ADGRL3: variants seen among roughly 807,000 people sequenced by gnomAD.
ADGRL3 encodes calcium-independent alpha-latrotoxin receptor 3.
ADGRL3 carries 62 observed loss-of-function variants against 153.5 expected under a neutral mutation model. That is an observed-to-expected ratio of 0.40 (90% confidence interval 0.33 to 0.50). The LOEUF is 0.50. Ranked by LOEUF, ADGRL3 falls within the 20% of genes least tolerant of loss-of-function variation. The probability of loss-of-function intolerance (pLI) is 0.47; values close to 1 mark genes in which losing one functional copy is unlikely to be tolerated. For missense variants in ADGRL3, 1,641 were observed against 1,859.4 expected (o/e 0.88, Z 2.16); for synonymous variants, 710 against 672.5 (o/e 1.06, Z -0.86).
At chr4:61,986,241 T>C (rs2099085181) in intron 19 of ADGRL3, among the ~76,000 whole-genome samples, 1 of 152,208 alleles carries the variant, frequency 6.6e-6, no homozygotes, top group African/African-American at 2.4e-5. Context: ...TGTGACCTTA[T>C]GCTATTTCAA....
chr4:61,499,112 A>C (rs574906785), intron 3 of ADGRL3, among the ~76,000 whole-genome samples: 1 of 152,180 alleles, frequency 6.6e-6, no homozygotes, highest in Non-Finnish European at 1.5e-5. Context: ...CAGTGATGCA[A>C]TTCTGAATCT....
chr4:61,955,946 A>G (rs189351390), intron 17 of ADGRL3, among the ~76,000 whole-genome samples: 4 of 152,138 alleles, frequency 2.6e-5, no homozygotes, highest in African/African-American at 7.2e-5. Flanking sequence ...TTGGTGGGCA[A>G]TTGGTTTGGT....
chr4:61,370,859 G>C (rs916581334), intron 1 of ADGRL3, among the ~76,000 whole-genome samples: 127 of 152,118 alleles, frequency 8.3e-4, no homozygotes, highest in Non-Finnish European at 1.5e-3. Context: ...TAATATGTGG[G>C]AGTCTAAGTC....
At chr4:61,433,365 TA>T (rs373967837) in intron 2 of ADGRL3, among the ~76,000 whole-genome samples, 3 of 151,192 alleles carry the variant, frequency 2.0e-5, no homozygotes, top group Non-Finnish European at 4.4e-5. Flanking sequence ...GCTTTTTTTT[TA>T]AAAAAAAATC....
At chr4:61,757,214 C>T (rs1176696719) in intron 8 of ADGRL3, among the ~76,000 whole-genome samples, 1 of 152,224 alleles carries the variant, frequency 6.6e-6, no homozygotes, top group East Asian at 1.9e-4. Context: ...CCTCCTTGTT[C>T]CTCTGGTAGA....
intron 1 of ADGRL3, among the ~76,000 whole-genome samples, chr4:61,370,747 C>T (rs928463559): frequency 3.3e-4 from 50 of 151,762 alleles, no homozygotes; most frequent in Non-Finnish European, 5.3e-4. Context: ...CTATTAGGTC[C>T]GCTTGGTGCA....
At chr4:61,382,066 A>G (rs1460695651) in intron 1 of ADGRL3, among the ~76,000 whole-genome samples, 1 of 151,980 alleles carries the variant, frequency 6.6e-6, no homozygotes, top group East Asian at 1.9e-4. Context: ...ATTTTAATCA[A>G]TAGTGATTTG....
intron 1 of ADGRL3, among the ~76,000 whole-genome samples, chr4:61,275,638 T>C (rs2093424011): frequency 6.6e-6 from 1 of 152,168 alleles, no homozygotes; most frequent in African/African-American, 2.4e-5. Flanking sequence ...AGAGGGAGCA[T>C]GCATGTTTCA....
Position 61,816,309 on chromosome 4 carries a change from G to A in ADGRL3, c.1480+2420G>A, listed in dbSNP as rs115734011. ...TCCACTGAATTAGCTGGGGCTGAAT[G>A]TTTTATAGTTAACAGGCTGGTTAGT... is the stretch of plus-strand genomic sequence containing the variant. On this transcript the variant is annotated intron_variant, in intron 9 of 26. Transcript: ENST00000683033. 4.6e-3 allele frequency among the ~76,000 whole-genome samples: 705 copies of A among 152,316 alleles called. 5 individuals carry two copies. Among genetic ancestry groups the A allele is most frequent in the African/African-American group, 0.016 (668 of 41,566 alleles).
At chr4:61,536,949 C>T (rs2098660426) in intron 4 of ADGRL3, among the ~76,000 whole-genome samples, 1 of 151,996 alleles carries the variant, frequency 6.6e-6, no homozygotes, top group African/African-American at 2.4e-5. Context: ...TTTGTACTCT[C>T]AATTATATAA....
At chr4:61,960,039 T>C (rs1406064739) in intron 17 of ADGRL3, among the ~76,000 whole-genome samples, 2 of 152,184 alleles carry the variant, frequency 1.3e-5, no homozygotes, top group African/African-American at 2.4e-5. Flanking sequence ...TATAGAAAAT[T>C]TCTTGAAAAG....
chr4:61,874,015 A>G (rs865936977), intron 9 of ADGRL3, among the ~76,000 whole-genome samples: 12 of 152,166 alleles, frequency 7.9e-5, no homozygotes, highest in Middle Eastern at 3.2e-3. Flanking sequence ...TAAATTTTAA[A>G]AGCTTTTCCT....
intron 13 of ADGRL3, among the ~76,000 whole-genome samples, chr4:61,925,522 T>C (rs540968439): frequency 6.6e-6 from 1 of 152,296 alleles, no homozygotes; most frequent in South Asian, 2.1e-4. Flanking sequence ...CTGCAGGCTC[T>C]ACAAGCATGG....
At chr4:61,481,103 T>C (rs1297361707) in intron 2 of ADGRL3, among the ~76,000 whole-genome samples, 1 of 152,098 alleles carries the variant, frequency 6.6e-6, no homozygotes, top group East Asian at 1.9e-4. Context: ...GCAGCCAGGG[T>C]TTCAAATTAT....
chr4:61,937,417 A>AT (rs1302252490), intron 15 of ADGRL3, among the ~76,000 whole-genome samples: 2 of 138,858 alleles, frequency 1.4e-5, no homozygotes, highest in Admixed American at 1.4e-4. Context: ...TTTTTTTTGC[A>AT]TTTTTTTAAA....
chr4:61,976,367 T>C (rs981631933), intron 17 of ADGRL3, among the ~76,000 whole-genome samples: 1 of 152,186 alleles, frequency 6.6e-6, no homozygotes, highest in Admixed American at 6.5e-5. Flanking sequence ...TGGCAGACTA[T>C]TAATTATAAA....
intron 9 of ADGRL3, among the ~76,000 whole-genome samples, chr4:61,844,911 G>A (rs1440951560): frequency 6.6e-6 from 1 of 151,898 alleles, no homozygotes; most frequent in Non-Finnish European, 1.5e-5. Flanking sequence ...TTCTTCACAT[G>A]TCAGTTAAAA....
At chr4:61,358,372 C>T (rs950085042) in intron 1 of ADGRL3, among the ~76,000 whole-genome samples, 1 of 151,848 alleles carries the variant, frequency 6.6e-6, no homozygotes, top group Admixed American at 6.6e-5. Flanking sequence ...CCAAGGTGGG[C>T]GGATCACGAG....
chr4:61,456,403 CTATATATATATAGATATATCTATATCTA>C lies in ADGRL3; in HGVS notation c.-173-40709_-173-40682del, dbSNP rs1560664332. Among the ~76,000 whole-genome samples, 129 of 59,330 alleles carry C rather than the reference CTATATATATATAGATATATCTATATCTA, an allele frequency of 2.2e-3. 1 individual carries two copies. The highest frequency in any genetic ancestry group is 0.01 in the Middle Eastern group (1 of 100). The allele number at this position is 59,330 out of a possible 152,430, so 38.9% of individuals were successfully genotyped here. A position where few individuals can be genotyped will look rare whatever the true frequency, so the allele number is the denominator to read the frequency against. Reference sequence around the variant, plus strand: ...TATATATATATAGATATATCTATATCTATATATATATAGATATATCTATATCTATATATATAGATATATCTATATCTAT... The same window carrying C: ...TATATATATATAGATATATCTATATCTATATATAGATATATCTATATCTAT... On this transcript the variant is annotated intron_variant, in intron 2 of 26. Coordinates refer to ENST00000683033, the MANE Select transcript of ADGRL3 (RefSeq NM_001387552.1).
Sources: gnomAD v4.1 joint callset for allele counts (sites outside exome capture counted in the v4.1 genomes callset) on GRCh38, gnomAD v4.1.1 for gene constraint, MANE v1.5 for transcripts, NCBI Gene and HGNC (gene_info 2026-07-23, HGNC 2026-07-21) for gene names.